Variants in PSME4 observed in about 807,000 individuals in gnomAD.
PSME4 encodes the protein proteasome activator subunit 4.
A neutral mutation model predicts 253.9 loss-of-function variants in PSME4; 89 were observed. The observed-to-expected ratio is 0.35, with a 90% CI of 0.30 to 0.42. The LOEUF (loss-of-function observed/expected upper bound fraction) is 0.42, where lower values mean the gene tolerates loss of function less well. Ranked by LOEUF, PSME4 falls within the 10% of genes least tolerant of loss-of-function variation. PSME4 has a pLI of 1.00. For synonymous variants in PSME4, 851 were observed against 759.2 expected, an observed-to-expected ratio of 1.12 and a Z score of -1.99; for missense variants, 2,014 against 2,195.2, an observed-to-expected ratio of 0.92 and a Z score of 1.65.
chr2:53,949,323 T>A, intron 1 of PSME4, 40 bp from the exon 2 acceptor site: 1 of 1,327,492 alleles, frequency 7.5e-7, no homozygotes, highest in Non-Finnish European at 1.0e-6. Flanking sequence ...AAAATAGGTA[T>A]GATGACACAT....
At chr2:53,934,384 A>AT (rs1430013287) in intron 8 of PSME4, among the ~76,000 whole-genome samples, 3 of 152,152 alleles carry the variant, frequency 2.0e-5, no homozygotes, top group African/African-American at 7.2e-5. Context: ...AAAACCCTAG[A>AT]TTTTTGACTC....
chr2:53,944,763 G>A (rs1026521172), intron 3 of PSME4, among the ~76,000 whole-genome samples: 1 of 152,166 alleles, frequency 6.6e-6, no homozygotes, highest in Admixed American at 6.5e-5. Context: ...TCCATGTGGT[G>A]AGTGTGGGGA....
At chr2:53,908,917 A>T in intron 21 of PSME4, 77 bp from the exon 22 acceptor site, 1 of 1,074,236 alleles carries the variant, frequency 9.3e-7, no homozygotes, top group Non-Finnish European at 1.4e-6. Context: ...TCAACAGGTT[A>T]GGTCAAGGAG....
At chr2:53,934,264 T>A (rs572583895) in intron 8 of PSME4, among the ~76,000 whole-genome samples, 3 of 152,214 alleles carry the variant, frequency 2.0e-5, no homozygotes, top group Non-Finnish European at 4.4e-5. Flanking sequence ...GAGTAAGTAA[T>A]GGAGTCTAAG....
In PSME4 at chr2:53,932,023, G is replaced by A. The variant is rs1164943413; in HGVS notation, c.1128C>T (p.Pro376=). ...TATCAGGCACAGGAGTTAACCAAGA[G>A]GGCTTCTTGTATCTTTCACGATGCA... The part of the protein sequence containing the change: ...RRLHRERYKK[P]SWLTPVPDSH... The change falls in exon 10 of 47, where the codon CCC becomes CCT. Residue 376 remains proline (P), a synonymous_variant. Coordinates refer to ENST00000404125, the MANE Select transcript of PSME4 (RefSeq NM_014614.3). The A allele has an allele frequency of 1.2e-6, 2 of 1,613,606 alleles. No homozygotes were observed. The highest frequency in any genetic ancestry group is 1.7e-6 in the Non-Finnish European group (2 of 1,179,534).
At chr2:53,962,410 A>C (rs1246814351) in intron 1 of PSME4, among the ~76,000 whole-genome samples, 2 of 152,116 alleles carry the variant, frequency 1.3e-5, no homozygotes, top group Admixed American at 6.5e-5. Context: ...CAAAAAAAAA[A>C]AAACAGTAAA....
chr2:53,966,936 G>A (rs1304888901), intron 1 of PSME4, among the ~76,000 whole-genome samples: 1 of 152,136 alleles, frequency 6.6e-6, no homozygotes, highest in Non-Finnish European at 1.5e-5. Context: ...CTGACCTCGT[G>A]ATCCGTCTGC....
At chr2:53,872,024 G>T (rs187692907) in intron 43 of PSME4, among the ~76,000 whole-genome samples, 3 of 152,154 alleles carry the variant, frequency 2.0e-5, no homozygotes, top group East Asian at 1.9e-4. Context: ...CCAAAAAAAG[G>T]GGGGGCGGGG....
At chr2:53,966,640 G>A (rs901548470) in intron 1 of PSME4, among the ~76,000 whole-genome samples, 3 of 152,054 alleles carry the variant, frequency 2.0e-5, no homozygotes, top group South Asian at 2.1e-4. Flanking sequence ...GTGTTCTAAC[G>A]AGCACCCGCA....
At chr2:53,882,209 AT>A (rs1367956824) in intron 41 of PSME4, among the ~76,000 whole-genome samples, 1 of 152,206 alleles carries the variant, frequency 6.6e-6, no homozygotes, top group Non-Finnish European at 1.5e-5. Flanking sequence ...TATAAAAAAT[AT>A]GTGCAAAGTG....
At chr2:53,960,008 T>G (rs1184485355) in intron 1 of PSME4, among the ~76,000 whole-genome samples, 1 of 152,200 alleles carries the variant, frequency 6.6e-6, no homozygotes, top group Non-Finnish European at 1.5e-5. Context: ...ATATATTAAG[T>G]GGTCATTGAC....
At chr2:53,933,403 A>AAAAAAG (rs1558697904) in intron 8 of PSME4, among the ~76,000 whole-genome samples, 1 of 139,064 alleles carries the variant, frequency 7.2e-6, no homozygotes, top group African/African-American at 2.6e-5. Context: ...AAAAAAAAAA[A>AAAAAAG]GCGTTTCCCT....
intron 1 of PSME4, among the ~76,000 whole-genome samples, chr2:53,965,065 C>G (rs920163505): frequency 6.6e-6 from 1 of 151,948 alleles, no homozygotes; most frequent in Non-Finnish European, 1.5e-5. Flanking sequence ...ACATACTTCA[C>G]TAAAATCAAA....
intron 5 of PSME4, among the ~76,000 whole-genome samples, 153 bp from the exon 6 acceptor site, chr2:53,936,980 G>A (rs565451409): frequency 1.2e-3 from 182 of 152,084 alleles, no homozygotes; most frequent in Admixed American, 3.3e-3. Flanking sequence ...TAAAACAAAG[G>A]GGTATTTCTT....
intron 31 of PSME4, 131 bp downstream of exon 31, chr2:53,897,737 CAG>C (rs745326858): frequency 1.9e-4 from 195 of 1,023,742 alleles, no homozygotes; most frequent in Non-Finnish European, 2.5e-4. Context: ...TCTGAATCAA[CAG>C]GGGGAGATTT....
intron 28 of PSME4, among the ~76,000 whole-genome samples, chr2:53,900,595 T>C (rs534706930): frequency 1.3e-5 from 2 of 152,292 alleles, no homozygotes; most frequent in Admixed American, 1.3e-4. Flanking sequence ...GCCCTGTGAA[T>C]ATTCTACTGT....
chr2:53,892,298 A>G (rs373023429), intron 36 of PSME4, among the ~76,000 whole-genome samples: 8 of 152,304 alleles, frequency 5.3e-5, no homozygotes, highest in African/African-American at 1.9e-4. Context: ...TTGCTAATGA[A>G]CTAACCTTAA....
Position 53,936,109 on chromosome 2 carries a change from T to C in PSME4, c.812A>G (p.Asp271Gly), listed in dbSNP as rs757753980. Residue 271 changes from aspartate to glycine, a missense_variant, in exon 7 of 47, where the codon GAT becomes GGT. This residue lies in a region of PSME4 where 615 missense variants were observed against 594.4 expected (regional missense o/e 1.03). Coordinates refer to ENST00000404125, the MANE Select transcript of PSME4 (RefSeq NM_014614.3). ...TACCTTTGGTACATATGGATCCCAA[T>C]CTATGTACCCTATATTATCTGTAGC... is the stretch of plus-strand genomic sequence containing the variant. ...RLATDNIGYI[D>G]WDPYVPKIFT... is the part of the protein sequence containing the mutation. The C allele has an allele frequency of 6.2e-7, 1 of 1,612,946 alleles. No homozygotes were observed. The highest frequency in any genetic ancestry group is 1.1e-5 in the South Asian group (1 of 90,992).
At chr2:53,922,641 C>T (rs774988421) in intron 16 of PSME4, 57 bp from the exon 17 acceptor site, 85 of 1,552,740 alleles carry the variant, frequency 5.5e-5, no homozygotes, top group Non-Finnish European at 7.1e-5. Context: ...CTAAATATAG[C>T]ATTTTAAAAT....
Sources: allele counts gnomAD v4.1 joint callset (sites outside exome capture counted in the v4.1 genomes callset), GRCh38; gene constraint gnomAD v4.1.1; regional missense constraint gnomAD v4.1.1; transcripts MANE v1.5; gene names NCBI Gene and HGNC (gene_info 2026-07-23, HGNC 2026-07-21).